The following BIRC6 variants were observed in gnomAD, a reference collection of about 807,000 sequenced individuals.
BIRC6 encodes the protein baculoviral IAP repeat containing 6, also known as dual E2 ubiquitin-conjugating enzyme/E3 ubiquitin-protein ligase BIRC6.
A neutral mutation model predicts 503.3 loss-of-function variants in BIRC6; 98 were observed. The ratio of observed to expected loss-of-function variants is 0.19; its 90% CI spans 0.17 to 0.23. The LOEUF is 0.23. Among genes scored for constraint, BIRC6 ranks in the 10% least tolerant of loss-of-function variants. The pLI is 1.00. For missense variants in BIRC6, 5,360 were observed against 5,806.0 expected, an observed-to-expected ratio of 0.92 and a Z score of 2.50; for synonymous variants, 2,240 against 2,078.7, an observed-to-expected ratio of 1.08 and a Z score of -2.11.
chr2:32,481,556 A>C, intron 38 of BIRC6, 103 bp downstream of exon 38: 3 of 928,354 alleles, frequency 3.2e-6, no homozygotes, highest in Non-Finnish European at 4.6e-6. Context: ...CACAAGGTCA[A>C]GAGATCAAGA....
At chr2:32,526,097 T>G (rs1473760545) in intron 59 of BIRC6, among the ~76,000 whole-genome samples, 1 of 152,156 alleles carries the variant, frequency 6.6e-6, no homozygotes, top group African/African-American at 2.4e-5. Context: ...ATCCAAAAAT[T>G]CAGTATCTGA....
At chr2:32,441,502 A>G in intron 17 of BIRC6, 40 bp downstream of exon 17, 1 of 1,573,028 alleles carries the variant, frequency 6.4e-7, no homozygotes. Flanking sequence ...TACAGTAATG[A>G]AAGTGCAGAG....
At position 32,515,434 on chromosome 2, in the gene BIRC6, A is replaced by G. The variant is rs756864653; in HGVS notation, c.11013A>G (p.Gln3671=). 6.3e-5 allele frequency: 101 copies of G among 1,613,052 alleles called. No homozygotes were observed. Among genetic ancestry groups the G allele is most frequent in the Non-Finnish European group, 2.5e-6 (3 of 1,179,870 alleles). ...AACTCAGGCGCCATCATGTCCCACAACAATGTAATAAGATGCCTATCACAG... is the reference window on the plus strand; with the variant it reads ...AACTCAGGCGCCATCATGTCCCACAGCAATGTAATAAGATGCCTATCACAG... The part of the protein sequence containing the change: ...QDKLRRHHVP[Q]QCNKMPITAD... The change falls in exon 55 of 74, where the codon CAA becomes CAG. Residue 3671 remains glutamine, a synonymous_variant. Coordinates refer to ENST00000421745, the MANE Select transcript of BIRC6 (RefSeq NM_016252.4).
chr2:32,530,555 T>C (rs767500494), intron 60 of BIRC6, among the ~76,000 whole-genome samples: 42 of 152,330 alleles, frequency 2.8e-4, no homozygotes, highest in Admixed American at 1.3e-3. Context: ...TTGAATTGGC[T>C]ATTTTTTCAT....
chr2:32,504,904 T>G (rs1200317352), intron 49 of BIRC6, 101 bp from the exon 50 acceptor site: 3 of 1,082,126 alleles, frequency 2.8e-6, no homozygotes, highest in Admixed American at 4.7e-5. Flanking sequence ...TGTTCATGTT[T>G]TCAATTAATT....
chr2:32,569,683 T>C (rs896737072), intron 65 of BIRC6, among the ~76,000 whole-genome samples: 1 of 152,140 alleles, frequency 6.6e-6, no homozygotes, highest in Non-Finnish European at 1.5e-5. Flanking sequence ...TTTTTTTTTT[T>C]TTCTGTAGCT....
chr2:32,591,964 T>C (rs1226627788), intron 66 of BIRC6, among the ~76,000 whole-genome samples: 2 of 152,206 alleles, frequency 1.3e-5, no homozygotes, highest in Non-Finnish European at 2.9e-5. Flanking sequence ...TGGTAATCTG[T>C]TTGAGTTACT....
At chr2:32,358,456 C>G (rs568002197) in intron 1 of BIRC6, among the ~76,000 whole-genome samples, 6 of 152,208 alleles carry the variant, frequency 3.9e-5, no homozygotes, top group East Asian at 1.9e-4. Context: ...GCGGAGATGA[C>G]ATTTCATTTG....
intron 3 of BIRC6, among the ~76,000 whole-genome samples, chr2:32,384,409 T>C (rs1432448561): frequency 6.6e-6 from 1 of 152,146 alleles, no homozygotes; most frequent in Non-Finnish European, 1.5e-5. Context: ...GAAATACTTT[T>C]CTTGATCAGA....
At chr2:32,449,238 T>G (rs2046408542) in intron 22 of BIRC6, 1 of 186,062 alleles carries the variant, frequency 5.4e-6, no homozygotes, top group Non-Finnish European at 1.1e-5. Context: ...TTGTAGCCTT[T>G]TCAGTTTTAT....
At chr2:32,449,090 C>G in intron 22 of BIRC6, 162 bp downstream of exon 22, 1 of 598,514 alleles carries the variant, frequency 1.7e-6, no homozygotes, top group Non-Finnish European at 2.7e-6. Flanking sequence ...AAGTTCTTAA[C>G]TTCCTCTTTC....
intron 32 of BIRC6, among the ~76,000 whole-genome samples, chr2:32,472,242 T>C (rs1352856003): frequency 6.6e-6 from 1 of 152,178 alleles, no homozygotes; most frequent in African/African-American, 2.4e-5. Flanking sequence ...AATTGTTTTG[T>C]ATTTTTAGTA....
chr2:32,377,575 G>T lies in BIRC6; in HGVS notation c.326-13G>T. On this transcript the variant is annotated splice_polypyrimidine_tract_variant and intron_variant, in intron 1 of 73. Transcript: ENST00000421745. ...TGAAAATCTTAAGTGTTGAATTTTT[G>T]TTCTTTTAACAGCTAAACCAGGTGG... is the stretch of plus-strand genomic sequence containing the variant. 2 of 1,581,644 alleles carry T rather than the reference G, an allele frequency of 1.3e-6. No homozygotes were observed. The highest frequency in any genetic ancestry group is 1.9e-5 in the Admixed American group (1 of 53,872).
intron 1 of BIRC6, among the ~76,000 whole-genome samples, chr2:32,369,978 A>ATG (rs2035655140): frequency 1.8e-5 from 1 of 54,310 alleles, no homozygotes; most frequent in Non-Finnish European, 3.4e-5. Flanking sequence ...ATATATATAT[A>ATG]TATATATGTA....
intron 45 of BIRC6, among the ~76,000 whole-genome samples, chr2:32,495,603 GT>G (rs2052341467): frequency 6.6e-6 from 1 of 152,026 alleles, no homozygotes; most frequent in Non-Finnish European, 1.5e-5. Flanking sequence ...AAAAGCAGAA[GT>G]TTTAAAATTC....
At position 32,357,198 on chromosome 2, in the gene BIRC6, G is replaced by A; in HGVS notation, c.37G>A (p.Val13Ile). 1 of 1,541,150 alleles carries A rather than the reference G, an allele frequency of 6.5e-7. No individual in the cohort carries two copies. The highest frequency in any genetic ancestry group is 8.7e-7 in the Non-Finnish European group (1 of 1,150,202). ...TGGTGGTGCTGCACCTCCCGGGACT[G>A]TCACTGAGCCGCTTCCCAGTGTGAT... ...TGGGAAPPGT[V>I]TEPLPSVIVL... The change falls in exon 1 of 74, where the codon GTC becomes ATC. Residue 13 changes from valine (V) to isoleucine (I), a missense_variant. Physicochemically the swap from Val to Ile is conservative, Grantham distance 29. Coordinates refer to ENST00000421745, the MANE Select transcript of BIRC6 (RefSeq NM_016252.4). This position sits in a 1 kb window ranked among gnomAD's most constrained non-coding sequence, Gnocchi z 4.9.
intron 63 of BIRC6, 79 bp downstream of exon 63, chr2:32,545,939 A>T: frequency 1.5e-6 from 2 of 1,319,952 alleles, no homozygotes; most frequent in Non-Finnish European, 2.1e-6. Context: ...TTTTTTCTGA[A>T]TTAATCTTTC....
chr2:32,560,097 T>C (rs1213057618), intron 65 of BIRC6, among the ~76,000 whole-genome samples: 1 of 152,248 alleles, frequency 6.6e-6, no homozygotes, highest in Non-Finnish European at 1.5e-5. Context: ...GATTGTCATA[T>C]GCATTAATAT....
chr2:32,603,597 A>G (rs1167079827), intron 71 of BIRC6, among the ~76,000 whole-genome samples: 2 of 152,102 alleles, frequency 1.3e-5, no homozygotes, highest in Non-Finnish European at 2.9e-5. Flanking sequence ...GTGCGTGCCT[A>G]TAATCCCAGC....
Sources: gnomAD v4.1 joint callset for allele counts (sites outside exome capture counted in the v4.1 genomes callset) on GRCh38, gnomAD v4.1.1 for gene constraint, Gnocchi (gnomAD v3.1) non-coding constraint, MANE v1.5 for transcripts, NCBI Gene and HGNC (gene_info 2026-07-23, HGNC 2026-07-21) for gene names.